Variants in IQANK1 observed in about 807,000 individuals in gnomAD.
IQANK1 encodes IQ motif and ankyrin repeat domain-containing protein 1.
IQANK1 carries 30 observed loss-of-function variants against 22.6 expected under a neutral mutation model. That is an observed-to-expected ratio of 1.33 (90% CI 0.99 to 1.80). IQANK1 has a LOEUF of 1.80. Among genes scored for constraint, IQANK1 ranks in the 40% most tolerant of loss-of-function variants. The pLI, the probability that IQANK1 is intolerant of heterozygous loss-of-function variation, is 0.00. For missense variants in IQANK1, 275 were observed against 235.2 expected, an observed-to-expected ratio of 1.17 and a Z score of -1.11; for synonymous variants, 122 against 99.6, an observed-to-expected ratio of 1.23 and a Z score of -1.34.
In IQANK1 at chr8:143,771,175, G is replaced by T. The variant is rs374606132; in HGVS notation, c.176-313G>T. On this transcript the variant is annotated intron_variant, in intron 3 of 13. Transcript: ENST00000527139. The surrounding 1 kb of genome is among the most constrained non-coding windows in gnomAD (Gnocchi z 6.0). ...TTTCAGGGAAGGGTGTCCCGCGGGG[G>T]ACAGCACCCCTTCCTCACCGTTCCT... Among the ~76,000 whole-genome samples the T allele has an allele frequency of 3.3e-5, 5 of 152,206 alleles. No homozygotes were observed. Among genetic ancestry groups the T allele is most frequent in the African/African-American group, 1.2e-4 (5 of 41,466 alleles).
chr8:143,737,542 C>G (rs1325137945), intron 2 of IQANK1, among the ~76,000 whole-genome samples: 1 of 152,200 alleles, frequency 6.6e-6, no homozygotes, highest in Non-Finnish European at 1.5e-5. Flanking sequence ...ACCCTGCATC[C>G]AGCCTGGCTT....
chr8:143,736,903 C>T lies in IQANK1; in HGVS notation c.85+965C>T, dbSNP rs117899879. Among the ~76,000 whole-genome samples, 1,403 of 152,196 alleles carry T rather than the reference C, an allele frequency of 9.2e-3. 18 individuals carry two copies. Among genetic ancestry groups the T allele is most frequent in the Non-Finnish European group, 0.011 (738 of 67,998 alleles). ...TTGCAAATCTGGGGTCCTTCAGCAC[C>T]CAGGCCTGCACTGGGGTCTGTGCTT... is the stretch of plus-strand genomic sequence containing the variant. On this transcript the variant is annotated intron_variant, in intron 2 of 13. Coordinates refer to ENST00000527139, the MANE Select transcript of IQANK1 (RefSeq NM_001381874.1).
chr8:143,786,897 G>T (rs547784727), intron 7 of IQANK1, among the ~76,000 whole-genome samples: 1 of 152,228 alleles, frequency 6.6e-6, no homozygotes, highest in African/African-American at 2.4e-5. Context: ...GAGCCCCTGT[G>T]GCTGCCAGGG....
chr8:143,740,832 C>T (rs1818890504), intron 3 of IQANK1, among the ~76,000 whole-genome samples: 1 of 152,234 alleles, frequency 6.6e-6, no homozygotes, highest in East Asian at 1.9e-4. Context: ...GTCCTGAGGA[C>T]GGGAGTAGTG....
chr8:143,788,620 C>G (rs1416532645), intron 7 of IQANK1, among the ~76,000 whole-genome samples: 1 of 152,212 alleles, frequency 6.6e-6, no homozygotes, highest in Non-Finnish European at 1.5e-5. Flanking sequence ...GGGCCAGGTC[C>G]TGGGGGACTG....
In IQANK1 at chr8:143,789,953, A is replaced by G; in HGVS notation, c.1196-18A>G. The G allele has an allele frequency of 1.6e-6, 2 of 1,231,978 alleles. No homozygotes were observed. Among genetic ancestry groups the G allele is most frequent in the Non-Finnish European group, 2.0e-6 (2 of 988,024 alleles). 76.3% of individuals were successfully genotyped at this position (1,231,978 alleles called of 1,614,324 possible). On this transcript the variant is annotated intron_variant, in intron 11 of 13. Coordinates refer to ENST00000527139, the MANE Select transcript of IQANK1 (RefSeq NM_001381874.1). ...GGCGTCGGGCTTGCCTGTCAGCTGC[A>G]CTCTGCTACCCCGACAGGGGAGGAA...
intron 7 of IQANK1, among the ~76,000 whole-genome samples, chr8:143,779,712 C>A (rs1819758655): frequency 6.6e-6 from 1 of 152,216 alleles, no homozygotes; most frequent in Non-Finnish European, 1.5e-5. Flanking sequence ...AGTTCTGAAG[C>A]TTATTTGAAT....
chr8:143,738,288 C>T (rs2129754047), intron 2 of IQANK1, among the ~76,000 whole-genome samples: 1 of 152,320 alleles, frequency 6.6e-6, no homozygotes, highest in East Asian at 1.9e-4. Context: ...GGGGCCCTGG[C>T]TCATGGACCA....
At position 143,747,638 on chromosome 8, in the gene IQANK1, G is replaced by GTTT. The variant is rs34261314; in HGVS notation, c.175+7697_175+7699dup. Among the ~76,000 whole-genome samples, 1,366 of 150,646 alleles carry GTTT rather than the reference G, an allele frequency of 9.1e-3. 20 individuals are homozygous for GTTT. Among genetic ancestry groups the GTTT allele is most frequent in the African/African-American group, 0.031 (1,257 of 40,892 alleles). The stretch of plus-strand genomic sequence containing the variant: ...TTTGATCCATTGACTGTTGAAGGGT[G>GTTT]TTTTTTTTTAAAAAAGAGTATATTG... On this transcript the variant is annotated intron_variant, in intron 3 of 13. Transcript: ENST00000527139.
Position 143,782,598 on chromosome 8 carries a change from G to A in IQANK1, c.790-6317G>A, listed in dbSNP as rs563657922. Among the ~76,000 whole-genome samples, 8 of 151,810 alleles carry A rather than the reference G, an allele frequency of 5.3e-5. No homozygotes were observed. The South Asian group carries it at 6.3e-4, about 12-fold the overall frequency. On this transcript the variant is annotated intron_variant, in intron 7 of 13. Coordinates refer to ENST00000527139, the MANE Select transcript of IQANK1 (RefSeq NM_001381874.1). ...CAGGTTCAAGCAGTTCTCCTGCCTC[G>A]GCCTCCTGAGTAGCTGGGATTACAG...
At chr8:143,789,403 GC>G in intron 9 of IQANK1, 32 bp from the exon 10 acceptor site, 1 of 1,160,864 alleles carries the variant, frequency 8.6e-7, no homozygotes, top group African/African-American at 1.6e-5. Context: ...ATACTGGCCA[GC>G]CTTGCCAGGG....
At chr8:143,741,034 G>A (rs1554626425) in intron 3 of IQANK1, among the ~76,000 whole-genome samples, 1 of 152,228 alleles carries the variant, frequency 6.6e-6, no homozygotes, top group Non-Finnish European at 1.5e-5. Flanking sequence ...TGTCACTGAA[G>A]GCCAGCACCG....
chr8:143,740,036 G>GGC, intron 3 of IQANK1, 88 bp downstream of exon 3: 1 of 607,864 alleles, frequency 1.6e-6, no homozygotes, highest in Non-Finnish European at 3.0e-6. Context: ...GCTCAGTGTG[G>GGC]GCGCGCGCTT....
chr8:143,738,635 A>T (rs1818808483), intron 2 of IQANK1, among the ~76,000 whole-genome samples: 1 of 152,330 alleles, frequency 6.6e-6, no homozygotes, highest in South Asian at 2.1e-4. Context: ...CAGCAGCCAG[A>T]GTGCCTGCTG....
At chr8:143,740,131 G>T (rs564655600) in intron 3 of IQANK1, among the ~76,000 whole-genome samples, 183 bp downstream of exon 3, 1 of 152,078 alleles carries the variant, frequency 6.6e-6, no homozygotes, top group Non-Finnish European at 1.5e-5. Context: ...GCAGGCCCGC[G>T]ACACGCCCGA....
intron 2 of IQANK1, among the ~76,000 whole-genome samples, chr8:143,736,878 T>C (rs1554625753): frequency 6.7e-6 from 1 of 149,920 alleles, no homozygotes; most frequent in African/African-American, 2.4e-5. Flanking sequence ...ACATTCCAGG[T>C]TGCAAATCTG....
Position 143,772,249 on chromosome 8 carries a change from C to T in IQANK1, c.663+6C>T, listed in dbSNP as rs1363220384. The T allele has an allele frequency of 2.5e-6, 1 of 396,960 alleles. No homozygotes were observed. Among genetic ancestry groups the T allele is most frequent in the Admixed American group, 4.4e-5 (1 of 22,656 alleles). The allele number at this position is 396,960 out of a possible 1,614,324, so 24.6% of individuals were successfully genotyped here. Reference sequence around the variant, plus strand: ...GCGCCAGCCCCAACAGCAAGGTGGGCGCCGTGGGCCGCGGGCCGCCGCGCT... The same window carrying T: ...GCGCCAGCCCCAACAGCAAGGTGGGTGCCGTGGGCCGCGGGCCGCCGCGCT... On this transcript the variant is annotated splice_donor_region_variant and intron_variant, in intron 6 of 13. Coordinates refer to ENST00000527139, the MANE Select transcript of IQANK1 (RefSeq NM_001381874.1).
chr8:143,761,467 T>C (rs949360004), intron 3 of IQANK1, among the ~76,000 whole-genome samples: 2 of 152,258 alleles, frequency 1.3e-5, no homozygotes, highest in Non-Finnish European at 2.9e-5. Flanking sequence ...AATTACATAC[T>C]GACAGCCATA....
chr8:143,749,522 T>A (rs1204539355), intron 3 of IQANK1, among the ~76,000 whole-genome samples: 1 of 134,328 alleles, frequency 7.4e-6, no homozygotes, highest in Non-Finnish European at 1.6e-5. Flanking sequence ...TAAAAATATA[T>A]ATCACATAAA....
Sources: gnomAD v4.1 joint callset for allele counts (sites outside exome capture counted in the v4.1 genomes callset) on GRCh38, gnomAD v4.1.1 for gene constraint, Gnocchi (gnomAD v3.1) non-coding constraint, MANE v1.5 for transcripts, NCBI Gene and HGNC (gene_info 2026-07-23, HGNC 2026-07-21) for gene names.